Variants in VCF1 observed in about 807,000 individuals in gnomAD.
VCF1 encodes VCP nuclear cofactor family member 1.
the VCF1 span, chr17:73,207,643 C>G: frequency 1.7e-5 from 21 of 1,253,332 alleles, no homozygotes; most frequent in Non-Finnish European, 2.1e-5. Flanking sequence ...TGGGAAGTAA[C>G]AGAAAATTTG....
chr17:73,214,726 C>T, the VCF1 span, among the ~76,000 whole-genome samples: 2 of 152,150 alleles, frequency 1.3e-5, no homozygotes, highest in Non-Finnish European at 2.9e-5. Flanking sequence ...TGATGATGCA[C>T]GGCTTTGGAA....
the VCF1 span, chr17:73,227,137 C>G: frequency 6.7e-7 from 1 of 1,484,818 alleles, no homozygotes; most frequent in Non-Finnish European, 9.1e-7. Context: ...GCAGTGAAAA[C>G]AACAGACTAT....
the VCF1 span, among the ~76,000 whole-genome samples, chr17:73,214,504 T>C: frequency 4.3e-4 from 66 of 152,242 alleles, no homozygotes; most frequent in Non-Finnish European, 6.9e-4. Flanking sequence ...CAAAGTCATC[T>C]GCTTTATGGG....
the VCF1 span, among the ~76,000 whole-genome samples, chr17:73,225,869 T>TATATATGGAAAAAA: frequency 1.1e-5 from 1 of 91,256 alleles, no homozygotes; most frequent in Non-Finnish European, 2.2e-5. Flanking sequence ...AGGAAAAAAA[T>TATATATGGAAAAAA]ATATATATAT....
the VCF1 span, among the ~76,000 whole-genome samples, chr17:73,213,778 T>C: frequency 1.3e-5 from 2 of 152,156 alleles, no homozygotes; most frequent in Non-Finnish European, 1.5e-5. Flanking sequence ...GAGACCAGCC[T>C]GGCCAACATG....
chr17:73,224,915 G>GACAGCACAGCACAGC, the VCF1 span, among the ~76,000 whole-genome samples: 13 of 113,000 alleles, frequency 1.2e-4, no homozygotes, highest in African/African-American at 4.4e-4. Context: ...GACAGGACAG[G>GACAGCACAGCACAGC]ACAGGACAGG....
At chr17:73,220,889 T>C in the VCF1 span, among the ~76,000 whole-genome samples, 1 of 147,040 alleles carries the variant, frequency 6.8e-6, no homozygotes, top group South Asian at 2.1e-4. Flanking sequence ...TTTTTTTTAA[T>C]TTAGATTTTT....
chr17:73,229,554 A>G, the VCF1 span: 2 of 985,188 alleles, frequency 2.0e-6, no homozygotes, highest in African/African-American at 1.7e-5. Flanking sequence ...TCTCCTAGAG[A>G]CTCGGCATAG....
chr17:73,210,360 A>G, the VCF1 span, among the ~76,000 whole-genome samples: 3 of 152,198 alleles, frequency 2.0e-5, no homozygotes, highest in African/African-American at 7.2e-5. Flanking sequence ...ATTGCAGTTC[A>G]TATGTACATG....
the VCF1 span, chr17:73,227,828 A>T: frequency 0.45 from 104,399 of 230,126 alleles, 23,988 homozygotes; most frequent in East Asian, 0.59. Flanking sequence ...AGCTGCTTAA[A>T]ATTTCCAGGT....
the VCF1 span, among the ~76,000 whole-genome samples, chr17:73,231,283 C>T: frequency 1.3e-5 from 2 of 152,138 alleles, no homozygotes; most frequent in African/African-American, 2.4e-5. Context: ...TCTGAGGTAA[C>T]CTTTCCCAAC....
At chr17:73,222,326 G>T in the VCF1 span, among the ~76,000 whole-genome samples, 3 of 150,698 alleles carry the variant, frequency 2.0e-5, no homozygotes, top group Non-Finnish European at 4.4e-5. Flanking sequence ...ACTAATCAGA[G>T]ATTTGGAAAA....
At chr17:73,229,644 T>A in the VCF1 span, 9 of 907,926 alleles carry the variant, frequency 9.9e-6, no homozygotes, top group Non-Finnish European at 1.2e-5. Flanking sequence ...GGCAGGCAGA[T>A]CACTTGAGGT....
chr17:73,214,533 T>C, the VCF1 span, among the ~76,000 whole-genome samples: 4 of 152,234 alleles, frequency 2.6e-5, no homozygotes, highest in African/African-American at 9.6e-5. Context: ...AAGACCATTC[T>C]TCACTTTTAA....
the VCF1 span, among the ~76,000 whole-genome samples, chr17:73,222,547 G>T: frequency 1.1e-4 from 16 of 152,110 alleles, no homozygotes; most frequent in Non-Finnish European, 2.4e-4. Context: ...GAAGGCCAAG[G>T]CGGATGGATC....
At chr17:73,229,488 C>T in the VCF1 span, 6 of 985,416 alleles carry the variant, frequency 6.1e-6, no homozygotes, top group Non-Finnish European at 7.2e-6. Context: ...GTTACTTCTA[C>T]AGATGGTTGA....
the VCF1 span, among the ~76,000 whole-genome samples, chr17:73,211,071 C>T: frequency 2.0e-5 from 3 of 152,078 alleles, no homozygotes; most frequent in Admixed American, 6.6e-5. Flanking sequence ...AAAACTTAGC[C>T]GTTTAATACA....
the VCF1 span, among the ~76,000 whole-genome samples, chr17:73,231,413 G>A: frequency 4.9e-4 from 75 of 152,108 alleles, no homozygotes; most frequent in African/African-American, 1.7e-3. Flanking sequence ...TAAGACCCGC[G>A]TCCCGAGGCC....
chr17:73,211,061 A>C, the VCF1 span, among the ~76,000 whole-genome samples: 3 of 152,220 alleles, frequency 2.0e-5, no homozygotes, highest in African/African-American at 7.2e-5. Flanking sequence ...ATTGTTTTTT[A>C]AAACTTAGCC....
Sources: gnomAD v4.1 joint callset for allele counts (sites outside exome capture counted in the v4.1 genomes callset) on GRCh38, gnomAD v4.1.1 for gene constraint, MANE v1.5 for transcripts, NCBI Gene and HGNC (gene_info 2026-07-23, HGNC 2026-07-21) for gene names.